The following CBLL1 variants were observed in gnomAD, a reference collection of about 807,000 sequenced individuals.
The protein encoded by CBLL1 is E3 ubiquitin-protein ligase Hakai.
CBLL1 carries 4 observed loss-of-function variants against 44.9 expected under a neutral mutation model. That is an observed-to-expected ratio of 0.09 (90% confidence interval 0.04 to 0.20). CBLL1 has a LOEUF of 0.20. Ranked by LOEUF, CBLL1 falls within the 10% of genes least tolerant of loss-of-function variation. The pLI is 1.00. For synonymous variants in CBLL1, 235 were observed against 202.2 expected, an observed-to-expected ratio of 1.16 and a Z score of -1.38; for missense variants, 569 against 636.7, an observed-to-expected ratio of 0.89 and a Z score of 1.14.
At chr7:107,746,979 G>T (rs1793053065) in intron 1 of CBLL1, among the ~76,000 whole-genome samples, 1 of 152,194 alleles carries the variant, frequency 6.6e-6, no homozygotes. Context: ...CCTTTTTAAA[G>T]TGAATTTATC....
At chr7:107,752,582 T>C in intron 2 of CBLL1, 2 of 1,289,448 alleles carry the variant, frequency 1.6e-6, no homozygotes, top group Non-Finnish European at 2.0e-6. Context: ...CCTGGCTCCT[T>C]GGAGGGATAT....
In CBLL1 at chr7:107,753,453, G is replaced by A. The variant is rs536454381; in HGVS notation, c.224G>A (p.Gly75Glu). 3 of 1,591,284 alleles carry A rather than the reference G, an allele frequency of 1.9e-6. No homozygotes were observed. The highest frequency in any genetic ancestry group is 1.4e-5 in the African/African-American group (1 of 73,678). Residue 75 changes from glycine to glutamate, a missense_variant, in exon 3 of 6, where the codon GGG becomes GAG. Gly to Glu is a moderately conservative substitution (Grantham distance 98, BLOSUM62 -2). Transcript: ENST00000440859. Reference sequence around the variant, plus strand: ...GAAGAAGAACGGTATGACTGTAAAGGGGGTGAGCTGTTTGCAAATCAGCGA... The same window carrying A: ...GAAGAAGAACGGTATGACTGTAAAGAGGGTGAGCTGTTTGCAAATCAGCGA... Reference protein sequence around the residue: ...YNEEERYDCKGGELFANQRRF... With the variant: ...YNEEERYDCKEGELFANQRRF...
At position 107,748,900 on chromosome 7, in the gene CBLL1, A is replaced by G. The variant is rs773497240; in HGVS notation, c.34A>G (p.Asn12Asp). 2 of 1,611,556 alleles carry G rather than the reference A, an allele frequency of 1.2e-6. No homozygotes were observed. The highest frequency in any genetic ancestry group is 2.2e-5 in the South Asian group (2 of 90,520). ...CACAGACAATGAGTTACAAGGCACT[A>G]ATAGTTCTGGATCCTTGGGTGGTCT... ...DHTDNELQGT[N>D]SSGSLGGLDV... The change falls in exon 2 of 6, where the codon AAT becomes GAT. Residue 12 changes from asparagine (N) to aspartate (D), a missense_variant. Around this residue, in one of 5 missense-constraint regions of CBLL1, gnomAD observed 209 missense variants for 202.8 expected, o/e 1.03. Coordinates refer to ENST00000440859, the MANE Select transcript of CBLL1 (RefSeq NM_024814.4).
At chr7:107,752,728 C>G (rs1163058216) in intron 2 of CBLL1, 2 of 366,550 alleles carry the variant, frequency 5.5e-6, no homozygotes, top group African/African-American at 2.1e-5. Context: ...AGAAATTGAG[C>G]CCCTTTCATC....
chr7:107,746,281 A>G (rs939939109), intron 1 of CBLL1, among the ~76,000 whole-genome samples: 2 of 152,200 alleles, frequency 1.3e-5, no homozygotes, highest in Non-Finnish European at 1.5e-5. Context: ...TAATTCTTGA[A>G]GTTTAGAGAT....
Position 107,758,035 on chromosome 7 carries a change from C to G in CBLL1, c.441-108C>G. ...TGTAACTTCTAATTGTGGACTTTTGCTATGTTTTATGTAACAGTCAAATTT... is the reference window on the plus strand; with the variant it reads ...TGTAACTTCTAATTGTGGACTTTTGGTATGTTTTATGTAACAGTCAAATTT... On this transcript the variant is annotated intron_variant, in intron 5 of 5. Coordinates refer to ENST00000440859, the MANE Select transcript of CBLL1 (RefSeq NM_024814.4). The surrounding 1 kb of genome is among the most constrained non-coding windows in gnomAD (Gnocchi z 4.2). The G allele has an allele frequency of 1.0e-6, 1 of 978,490 alleles. No homozygotes were observed. The highest frequency in any genetic ancestry group is 1.5e-6 in the Non-Finnish European group (1 of 676,614). 60.6% of individuals were successfully genotyped at this position (978,490 alleles called of 1,614,324 possible).
intron 1 of CBLL1, chr7:107,744,525 GA>G: frequency 3.1e-6 from 1 of 319,428 alleles, no homozygotes; most frequent in South Asian, 1.2e-4. Flanking sequence ...CTGGCGGGTA[GA>G]TTGCGGTCTC....
At chr7:107,745,148 T>A (rs955225352) in intron 1 of CBLL1, among the ~76,000 whole-genome samples, 1 of 152,236 alleles carries the variant, frequency 6.6e-6, no homozygotes, top group African/African-American at 2.4e-5. Flanking sequence ...AGGTCCGTGA[T>A]AGAACTTCTG....
intron 1 of CBLL1, among the ~76,000 whole-genome samples, chr7:107,748,265 C>G (rs1217743808): frequency 1.3e-5 from 2 of 152,142 alleles, no homozygotes; most frequent in African/African-American, 4.8e-5. Context: ...TGTTATAGCA[C>G]AAATACATTA....
Position 107,744,195 on chromosome 7 carries a change from T to C in CBLL1, c.13+19T>C. ...CACACTGGTAAGGAGGCGGAGGCAG[T>C]GGGGGTCCCGGTTCCAAGCCCCCTT... On this transcript the variant is annotated intron_variant, in intron 1 of 5. Transcript: ENST00000440859. 6.5e-7 allele frequency: 1 copy of C among 1,546,064 alleles called. No individual in the cohort carries two copies. The highest frequency in any genetic ancestry group is 1.4e-5 in the African/African-American group (1 of 73,020).
intron 2 of CBLL1, 186 bp downstream of exon 2, chr7:107,749,233 G>A: frequency 2.2e-6 from 1 of 456,670 alleles, no homozygotes; most frequent in Non-Finnish European, 3.7e-6. Context: ...TTTTGATTTG[G>A]TTCCTTTTGT....
At chr7:107,747,516 T>G (rs531906849) in intron 1 of CBLL1, among the ~76,000 whole-genome samples, 10 of 152,210 alleles carry the variant, frequency 6.6e-5, no homozygotes, top group Non-Finnish European at 1.3e-4. Context: ...TTTACATACA[T>G]AAGCAACTAC....
At chr7:107,748,794 T>C (rs1161520794) in intron 1 of CBLL1, 86 bp from the exon 2 acceptor site, 1 of 1,079,752 alleles carries the variant, frequency 9.3e-7, no homozygotes, top group Non-Finnish European at 1.3e-6. Context: ...CTTGATAATG[T>C]TAGGTATGGT....
At chr7:107,744,344 C>T (rs1792892634) in intron 1 of CBLL1, 168 bp downstream of exon 1, 7 of 816,104 alleles carry the variant, frequency 8.6e-6, no homozygotes, top group Admixed American at 3.6e-5. Context: ...CCTGCGGTTT[C>T]CTGGCCTACC....
At chr7:107,751,307 A>G (rs1793279164) in intron 2 of CBLL1, among the ~76,000 whole-genome samples, 1 of 152,142 alleles carries the variant, frequency 6.6e-6, no homozygotes, top group African/African-American at 2.4e-5. Context: ...TCAAGTGGTA[A>G]TGCTCCCTAG....
At chr7:107,757,693 A>G (rs528759213) in intron 5 of CBLL1, among the ~76,000 whole-genome samples, 1 of 152,274 alleles carries the variant, frequency 6.6e-6, no homozygotes, top group South Asian at 2.1e-4. Flanking sequence ...AGTCCTTGCA[A>G]TGTCTTCTAC....
Position 107,758,923 on chromosome 7 carries a change from C to T in CBLL1, c.1221C>T (p.Pro407=). 6.2e-7 allele frequency: 1 copy of T among 1,613,820 alleles called. No homozygotes were observed. The highest frequency in any genetic ancestry group is 1.7e-5 in the Admixed American group (1 of 60,004). Residue 407 remains proline, a synonymous_variant, in exon 6 of 6, where the codon CCC becomes CCT. Transcript: ENST00000440859. The surrounding 1 kb of genome is among the most constrained non-coding windows in gnomAD (Gnocchi z 4.2). ...TGAATCATCCTCCTCCAGGACCTCCCCCACCTCAACATGGTGGTCCACCTG... is the reference window on the plus strand; with the variant it reads ...TGAATCATCCTCCTCCAGGACCTCCTCCACCTCAACATGGTGGTCCACCTG... The part of the protein sequence containing the change: ...PYMNHPPPGP[P]PPQHGGPPVT...
intron 3 of CBLL1, 144 bp from the exon 4 acceptor site, chr7:107,753,751 G>T: frequency 1.9e-6 from 1 of 533,532 alleles, no homozygotes; most frequent in East Asian, 3.3e-5. Flanking sequence ...CACAACTAAT[G>T]GTGGGGAATA....
Position 107,758,054 on chromosome 7 carries a change from C to A in CBLL1, c.441-89C>A. Reference sequence around the variant, plus strand: ...CTTTTGCTATGTTTTATGTAACAGTCAAATTTTAAAAACAAGCATATTTTT... The same window carrying A: ...CTTTTGCTATGTTTTATGTAACAGTAAAATTTTAAAAACAAGCATATTTTT... On this transcript the variant is annotated intron_variant, in intron 5 of 5. Coordinates refer to ENST00000440859, the MANE Select transcript of CBLL1 (RefSeq NM_024814.4). The surrounding 1 kb of genome is among the most constrained non-coding windows in gnomAD (Gnocchi z 4.2). The A allele has an allele frequency of 1.6e-6, 2 of 1,225,102 alleles. No homozygotes were observed. The highest frequency in any genetic ancestry group is 2.2e-6 in the Non-Finnish European group (2 of 892,562). The allele number at this position is 1,225,102 out of a possible 1,614,324, so 75.9% of individuals were successfully genotyped here. A position where few individuals can be genotyped will look rare whatever the true frequency, so the allele number is the denominator to read the frequency against.
Sources: gnomAD v4.1 joint callset for allele counts (sites outside exome capture counted in the v4.1 genomes callset) on GRCh38, gnomAD v4.1.1 for gene constraint, gnomAD v4.1.1 regional missense constraint, Gnocchi (gnomAD v3.1) non-coding constraint, MANE v1.5 for transcripts, NCBI Gene and HGNC (gene_info 2026-07-23, HGNC 2026-07-21) for gene names.